Variants in WDR7 observed in about 807,000 individuals in gnomAD.
WDR7 encodes WD repeat-containing protein 7.
WDR7 carries 46 observed loss-of-function variants against 169.4 expected under a neutral mutation model. The observed-to-expected ratio is 0.27, with a 90% CI of 0.21 to 0.35. The LOEUF is 0.35. Among genes scored for constraint, WDR7 ranks in the 10% least tolerant of loss-of-function variants. The probability of loss-of-function intolerance (pLI) is 1.00; values close to 1 mark genes in which losing one functional copy is unlikely to be tolerated. For missense variants in WDR7, 1,534 were observed against 1,859.3 expected (o/e 0.83, Z 3.22); for synonymous variants, 612 against 666.8 (o/e 0.92, Z 1.27).
chr18:57,036,563 T>A, the WDR7 span: 3 of 152,332 alleles, frequency 2.0e-5, no homozygotes, highest in African/African-American at 7.2e-5. Context: ...TTCACACAGA[T>A]GTTGATCCCA....
the WDR7 span, chr18:57,036,452 C>T: frequency 6.6e-6 from 1 of 152,428 alleles, no homozygotes; most frequent in South Asian, 2.1e-4. Flanking sequence ...TGGAACATCT[C>T]TGAAGGGCCA....
chr18:56,951,123 C>T (rs1436907793), intron 25 of WDR7, among the ~76,000 whole-genome samples: 1 of 152,182 alleles, frequency 6.6e-6, no homozygotes. Flanking sequence ...CCTCCTCTGA[C>T]CTCCCTATGT....
rs73436752 is a variant in WDR7 at position 56,879,494 on chromosome 18, T to G, written c.3305-450T>G. Among the ~76,000 whole-genome samples, 412 of 152,330 alleles carry G rather than the reference T, an allele frequency of 2.7e-3. 2 individuals are homozygous for G. The highest frequency in any genetic ancestry group is 9.5e-3 in the African/African-American group (396 of 41,572). On this transcript the variant is annotated intron_variant, in intron 20 of 27. Transcript: ENST00000254442. ...TTATATATTCTGGAAATAATTTTTA[T>G]TAGATAGGTGATTTGACAATAGTTT...
chr18:56,850,273 A>C (rs1468290060), intron 20 of WDR7, among the ~76,000 whole-genome samples: 1 of 151,996 alleles, frequency 6.6e-6, no homozygotes, highest in East Asian at 1.9e-4. Context: ...TTATTTGTTT[A>C]CTTCTTTATG....
At chr18:56,789,806 G>A (rs1293199202) in intron 19 of WDR7, among the ~76,000 whole-genome samples, 2 of 152,220 alleles carry the variant, frequency 1.3e-5, no homozygotes, top group Non-Finnish European at 2.9e-5. Flanking sequence ...AGGAGGCGTA[G>A]CTGACTTTCT....
intron 26 of WDR7, among the ~76,000 whole-genome samples, chr18:57,009,116 T>C (rs1330917617): frequency 2.6e-5 from 4 of 152,196 alleles, no homozygotes; most frequent in Non-Finnish European, 5.9e-5. Flanking sequence ...GCAATTGCTA[T>C]GTGAAAAAAA....
chr18:56,778,239 A>G (rs1183420853), intron 17 of WDR7, among the ~76,000 whole-genome samples: 1 of 152,078 alleles, frequency 6.6e-6, no homozygotes, highest in Non-Finnish European at 1.5e-5. Flanking sequence ...TCCCGCTCTC[A>G]TTCACTCTCT....
intron 13 of WDR7, among the ~76,000 whole-genome samples, chr18:56,729,177 A>G (rs2026527896): frequency 6.6e-6 from 1 of 152,202 alleles, no homozygotes; most frequent in Admixed American, 6.5e-5. Flanking sequence ...TTAATGGAGA[A>G]TTAAGAGCTA....
At chr18:56,709,631 A>G (rs181294521) in intron 12 of WDR7, among the ~76,000 whole-genome samples, 15 of 152,334 alleles carry the variant, frequency 9.8e-5, no homozygotes, top group African/African-American at 3.6e-4. Flanking sequence ...GCAGAGCTCG[A>G]ATTTGATCCT....
intron 14 of WDR7, among the ~76,000 whole-genome samples, 185 bp downstream of exon 14, chr18:56,731,782 A>G (rs901666096): frequency 7.9e-5 from 12 of 152,206 alleles, no homozygotes; most frequent in Admixed American, 3.9e-4. Context: ...TTGGAAAAGT[A>G]TATTATTCTT....
intron 21 of WDR7, among the ~76,000 whole-genome samples, chr18:56,914,005 C>T (rs1256990462): frequency 6.6e-6 from 1 of 152,116 alleles, no homozygotes; most frequent in Non-Finnish European, 1.5e-5. Flanking sequence ...CTCCACATAA[C>T]CTTCCACAAG....
intron 19 of WDR7, among the ~76,000 whole-genome samples, chr18:56,805,250 G>A (rs960439315): frequency 6.6e-6 from 1 of 152,108 alleles, no homozygotes; most frequent in African/African-American, 2.4e-5. Flanking sequence ...TAATTTCCAA[G>A]TGAAGACAAT....
chr18:56,854,843 G>A (rs1374253798), intron 20 of WDR7, among the ~76,000 whole-genome samples: 2 of 152,132 alleles, frequency 1.3e-5, no homozygotes, highest in East Asian at 1.9e-4. Flanking sequence ...GGCAGGGGAA[G>A]CTCAGAGAGA....
At chr18:56,839,310 T>G (rs2045444896) in intron 20 of WDR7, among the ~76,000 whole-genome samples, 1 of 152,194 alleles carries the variant, frequency 6.6e-6, no homozygotes, top group South Asian at 2.1e-4. Context: ...ACTAGTTACC[T>G]TCTTTAATAG....
chr18:57,013,940 T>C (rs1413330480), intron 26 of WDR7, among the ~76,000 whole-genome samples: 1 of 152,226 alleles, frequency 6.6e-6, no homozygotes, highest in Non-Finnish European at 1.5e-5. Context: ...TGCTGTTTTC[T>C]GATAAAATAA....
At chr18:56,675,990 A>G (rs1249197123) in intron 2 of WDR7, among the ~76,000 whole-genome samples, 1 of 151,804 alleles carries the variant, frequency 6.6e-6, no homozygotes, top group Non-Finnish European at 1.5e-5. Context: ...CCTGGCTATT[A>G]TTGTATTGGG....
chr18:57,008,131 G>A (rs879668417), intron 26 of WDR7, among the ~76,000 whole-genome samples: 46 of 152,006 alleles, frequency 3.0e-4, no homozygotes, highest in Admixed American at 2.0e-3. Context: ...TATCCGCCGC[G>A]CCCTCCCCAG....
chr18:56,944,477 A>T (rs1404052244), intron 25 of WDR7, among the ~76,000 whole-genome samples: 1 of 152,210 alleles, frequency 6.6e-6, no homozygotes, highest in African/African-American at 2.4e-5. Flanking sequence ...ATATAATTTA[A>T]TGAGTGGTAC....
intron 26 of WDR7, among the ~76,000 whole-genome samples, chr18:57,006,714 A>C (rs2145903207): frequency 6.6e-6 from 1 of 152,212 alleles, no homozygotes; most frequent in East Asian, 1.9e-4. Context: ...TATAATTAGT[A>C]GTAAAGTATC....
Sources: gnomAD v4.1 joint callset for allele counts (sites outside exome capture counted in the v4.1 genomes callset) on GRCh38, gnomAD v4.1.1 for gene constraint, MANE v1.5 for transcripts, NCBI Gene and HGNC (gene_info 2026-07-23, HGNC 2026-07-21) for gene names.